CCDC171: variants seen among roughly 807,000 people sequenced by gnomAD.
CCDC171 encodes coiled-coil domain-containing protein 171.
In CCDC171, 177 loss-of-function variants were observed where a neutral mutation model predicts 168.2. That is an observed-to-expected ratio of 1.05 (90% CI 0.93 to 1.19). The LOEUF is 1.19. Ranked by LOEUF, CCDC171 falls within the 50% of genes most tolerant of loss-of-function variation. CCDC171 has a pLI of 0.00. For missense variants in CCDC171, 1,991 were observed against 1,539.0 expected (o/e 1.29, Z -4.91); for synonymous variants, 687 against 540.8 (o/e 1.27, Z -3.75).
At chr9:15,641,676 C>A (rs2046616308) in intron 7 of CCDC171, among the ~76,000 whole-genome samples, 2 of 152,174 alleles carry the variant, frequency 1.3e-5, no homozygotes, top group South Asian at 4.1e-4. Context: ...TGAAAACCCC[C>A]TTTTCTTAAG....
the CCDC171 span, among the ~76,000 whole-genome samples, chr9:16,105,719 T>G: frequency 6.6e-6 from 1 of 152,070 alleles, no homozygotes; most frequent in Admixed American, 6.5e-5. Flanking sequence ...ACTGTTTGGG[T>G]TTTTCTGTTG....
intron 2 of CCDC171, among the ~76,000 whole-genome samples, chr9:15,567,758 A>G (rs1265443369): frequency 2.6e-5 from 4 of 151,618 alleles, no homozygotes; most frequent in African/African-American, 7.3e-5. Context: ...AGCTCAAGTG[A>G]CCCTCCTGCC....
chr9:16,034,653 G>A (rs1020193073), intron 6 of CCDC171, among the ~76,000 whole-genome samples: 5 of 152,164 alleles, frequency 3.3e-5, no homozygotes, highest in African/African-American at 1.2e-4. Flanking sequence ...ATGGACAAGG[G>A]GCCAGTGTTC....
chr9:15,588,932 G>T (rs762373641), intron 4 of CCDC171, among the ~76,000 whole-genome samples: 11 of 151,896 alleles, frequency 7.2e-5, no homozygotes, highest in Admixed American at 6.5e-4. Flanking sequence ...GGATGGTCTC[G>T]ATGTCCTGAC....
intron 24 of CCDC171, among the ~76,000 whole-genome samples, chr9:15,881,663 T>G (rs987936452): frequency 2.6e-5 from 4 of 152,178 alleles, no homozygotes; most frequent in South Asian, 2.1e-4. Context: ...TAACCACCAA[T>G]CTATATATCT....
intron 21 of CCDC171, among the ~76,000 whole-genome samples, chr9:15,789,022 A>G (rs2058112026): frequency 1.3e-5 from 2 of 152,046 alleles, no homozygotes; most frequent in Admixed American, 6.5e-5. Flanking sequence ...GGACAAAAAT[A>G]AAACAAATGA....
At chr9:15,905,785 TAAA>T (rs1346279076) in intron 24 of CCDC171, among the ~76,000 whole-genome samples, 1 of 151,638 alleles carries the variant, frequency 6.6e-6, no homozygotes, top group Non-Finnish European at 1.5e-5. Context: ...GCAAGACTAA[TAAA>T]GAAGAAAAGA....
intron 21 of CCDC171, among the ~76,000 whole-genome samples, chr9:15,825,159 A>G (rs776837024): frequency 2.0e-5 from 3 of 152,288 alleles, no homozygotes; most frequent in East Asian, 1.9e-4. Context: ...TTACACTATT[A>G]GAAATAGAAC....
At chr9:16,004,856 T>TCCCTGGAGG (rs1211352992) in intron 3 of CCDC171, among the ~76,000 whole-genome samples, 2 of 151,460 alleles carry the variant, frequency 1.3e-5, no homozygotes, top group Non-Finnish European at 2.9e-5. Flanking sequence ...AGATCTCATT[T>TCCCTGGAGG]CCCTGGAGGC....
At chr9:15,960,927 C>T (rs967460031) in intron 25 of CCDC171, among the ~76,000 whole-genome samples, 1 of 151,950 alleles carries the variant, frequency 6.6e-6, no homozygotes, top group Non-Finnish European at 1.5e-5. Context: ...TGCAGCATTC[C>T]ACGAAGAATT....
At chr9:15,917,051 C>T (rs893070090) in intron 24 of CCDC171, among the ~76,000 whole-genome samples, 9 of 151,922 alleles carry the variant, frequency 5.9e-5, no homozygotes, top group African/African-American at 1.7e-4. Context: ...CAGGATATGT[C>T]GTAGAGGGTT....
At chr9:15,574,354 A>G (rs544504732) in intron 3 of CCDC171, among the ~76,000 whole-genome samples, 1 of 152,168 alleles carries the variant, frequency 6.6e-6, no homozygotes, top group Non-Finnish European at 1.5e-5. Context: ...CATCTTGGCC[A>G]GGCTGGTCTC....
At chr9:15,975,268 C>T (rs1157516824), downstream of CCDC171, among the ~76,000 whole-genome samples, 1 of 152,094 alleles carries the variant, frequency 6.6e-6, no homozygotes, top group African/African-American at 2.4e-5. Flanking sequence ...AAAGATCATA[C>T]ATAACCTAGG....
chr9:15,825,970 T>A (rs2059994340), intron 21 of CCDC171, among the ~76,000 whole-genome samples: 1 of 149,248 alleles, frequency 6.7e-6, no homozygotes, highest in South Asian at 2.1e-4. Context: ...TTTGTTTTTC[T>A]CTTTTCTCTT....
intron 6 of CCDC171, among the ~76,000 whole-genome samples, chr9:15,596,735 C>A (rs1369576980): frequency 3.3e-5 from 5 of 151,820 alleles, no homozygotes; most frequent in Admixed American, 2.0e-4. Flanking sequence ...TTACCTTGGG[C>A]AGTATGGCCA....
the CCDC171 span, among the ~76,000 whole-genome samples, chr9:16,084,254 C>T: frequency 6.6e-6 from 1 of 152,130 alleles, no homozygotes; most frequent in Admixed American, 6.6e-5. Flanking sequence ...CTGACTGCTC[C>T]CTATCCTCAG....
chr9:15,680,957 T>C (rs754549996), intron 10 of CCDC171, among the ~76,000 whole-genome samples: 5 of 152,168 alleles, frequency 3.3e-5, no homozygotes, highest in Non-Finnish European at 7.4e-5. Flanking sequence ...TCTAGCACTT[T>C]AGTGAGTAGA....
intron 24 of CCDC171, among the ~76,000 whole-genome samples, chr9:15,915,149 C>A (rs972412362): frequency 8.5e-5 from 13 of 152,114 alleles, no homozygotes; most frequent in African/African-American, 2.9e-4. Context: ...ATTGTTTTTT[C>A]TAACTCTTTG....
intron 21 of CCDC171, among the ~76,000 whole-genome samples, chr9:15,798,610 A>C (rs2058669600): frequency 1.3e-5 from 2 of 152,114 alleles, no homozygotes; most frequent in Admixed American, 1.3e-4. Flanking sequence ...GGAATCAGCA[A>C]AATGTGACCC....
Sources: gnomAD v4.1 joint callset for allele counts (sites outside exome capture counted in the v4.1 genomes callset) on GRCh38, gnomAD v4.1.1 for gene constraint, MANE v1.5 for transcripts, NCBI Gene and HGNC (gene_info 2026-07-23, HGNC 2026-07-21) for gene names.